CNTLN: variants seen among roughly 807,000 people sequenced by gnomAD.
CNTLN encodes the protein centlein.
A neutral mutation model predicts 180.0 loss-of-function variants in CNTLN; 212 were observed. That is an observed-to-expected ratio of 1.18 (90% CI 1.05 to 1.32). The LOEUF is 1.32. Among genes scored for constraint, CNTLN ranks in the 40% most tolerant of loss-of-function variants. The pLI, the probability that CNTLN is intolerant of heterozygous loss-of-function variation, is 0.00. For synonymous variants in CNTLN, 722 were observed against 563.1 expected, an observed-to-expected ratio of 1.28 and a Z score of -3.99; for missense variants, 2,095 against 1,610.9, an observed-to-expected ratio of 1.30 and a Z score of -5.14.
chr9:17,455,711 C>T (rs999844426), intron 18 of CNTLN, among the ~76,000 whole-genome samples: 13 of 148,116 alleles, frequency 8.8e-5, no homozygotes, highest in African/African-American at 2.1e-4. Context: ...AAATGGCAGG[C>T]AGGTTTGGGG....
intron 1 of CNTLN, among the ~76,000 whole-genome samples, chr9:17,137,341 C>G (rs913997126): frequency 6.6e-6 from 1 of 152,168 alleles, no homozygotes; most frequent in African/African-American, 2.4e-5. Flanking sequence ...AGTAATTGAA[C>G]TCCCAATTGT....
At chr9:17,376,805 T>C (rs1824812914) in intron 13 of CNTLN, among the ~76,000 whole-genome samples, 1 of 152,186 alleles carries the variant, frequency 6.6e-6, no homozygotes, top group South Asian at 2.1e-4. Flanking sequence ...AGACTAATTA[T>C]ATAAAAAGAG....
intron 18 of CNTLN, among the ~76,000 whole-genome samples, chr9:17,416,527 C>G (rs1490549930): frequency 6.6e-6 from 1 of 152,132 alleles, no homozygotes; most frequent in Admixed American, 6.5e-5. Flanking sequence ...ATACACATAG[C>G]TTACCCGTTT....
At chr9:17,257,095 T>G (rs1826554049) in intron 5 of CNTLN, among the ~76,000 whole-genome samples, 1 of 152,128 alleles carries the variant, frequency 6.6e-6, no homozygotes, top group East Asian at 1.9e-4. Flanking sequence ...CATCTAGCAT[T>G]AGGTATATCT....
At chr9:17,512,877 C>G in the CNTLN span, among the ~76,000 whole-genome samples, 1 of 152,086 alleles carries the variant, frequency 6.6e-6, no homozygotes, top group Non-Finnish European at 1.5e-5. Context: ...AGTGTGGTGG[C>G]GCGATCTCAG....
chr9:17,177,788 G>GAGCA (rs1268152500), intron 2 of CNTLN, among the ~76,000 whole-genome samples: 1 of 152,142 alleles, frequency 6.6e-6, no homozygotes, highest in Non-Finnish European at 1.5e-5. Context: ...CCCAAAGAGT[G>GAGCA]AGCAGCAGCG....
At chr9:17,451,504 C>T (rs372857481) in intron 18 of CNTLN, among the ~76,000 whole-genome samples, 1 of 152,182 alleles carries the variant, frequency 6.6e-6, no homozygotes, top group Non-Finnish European at 1.5e-5. Context: ...TTGCTTTTCT[C>T]TACTTGGATT....
intron 12 of CNTLN, among the ~76,000 whole-genome samples, chr9:17,360,174 G>T (rs889361297): frequency 6.6e-6 from 1 of 151,984 alleles, no homozygotes; most frequent in Non-Finnish European, 1.5e-5. Context: ...GTTCCTCTTG[G>T]ATTCTTCTTT....
At chr9:17,166,845 A>T (rs57907512) in intron 2 of CNTLN, 5,010 of 452,620 alleles carry the variant, frequency 0.011, 77 homozygotes, top group African/African-American at 0.05. Context: ...TGTACCACCA[A>T]AACGAAGAAT....
At chr9:17,486,734 C>T (rs1354258105) in intron 24 of CNTLN, among the ~76,000 whole-genome samples, 1 of 152,038 alleles carries the variant, frequency 6.6e-6, no homozygotes, top group African/African-American at 2.4e-5. Flanking sequence ...CTACTTTGAG[C>T]TCCACTGTGA....
intron 5 of CNTLN, among the ~76,000 whole-genome samples, chr9:17,237,354 TACACACACACACAC>T (rs59168012): frequency 5.0e-4 from 53 of 106,486 alleles, no homozygotes; most frequent in South Asian, 1.1e-3. Context: ...TATATGCCCC[TACACACACACACAC>T]ACACACACAC....
intron 25 of CNTLN, among the ~76,000 whole-genome samples, chr9:17,499,712 A>T (rs912626728): frequency 6.6e-6 from 1 of 152,134 alleles, no homozygotes; most frequent in African/African-American, 2.4e-5. Flanking sequence ...ACTTTTTCTT[A>T]GTCTTCCTCT....
rs150862617 is a variant in CNTLN at position 17,262,483 on chromosome 9, C to T, written c.850-11250C>T. Among the ~76,000 whole-genome samples the T allele has an allele frequency of 3.2e-4, 49 of 151,512 alleles. 3 individuals are homozygous for T. Among genetic ancestry groups the T allele is most frequent in the African/African-American group, 1.1e-3 (46 of 40,876 alleles). ...AGCAAACTAACACAGGAACAGAAAA[C>T]CAGCACTGCATGTTCTCACTCATAA... On this transcript the variant is annotated intron_variant, in intron 5 of 25. Coordinates refer to ENST00000380647, the MANE Select transcript of CNTLN (RefSeq NM_017738.4).
intron 20 of CNTLN, among the ~76,000 whole-genome samples, chr9:17,464,183 T>C (rs1220745953): frequency 6.6e-6 from 1 of 151,424 alleles, no homozygotes; most frequent in Admixed American, 6.6e-5. Flanking sequence ...TTCACAGCAA[T>C]GTAAAAATGT....
chr9:17,274,697 A>G (rs894570045), intron 6 of CNTLN, among the ~76,000 whole-genome samples: 1 of 152,254 alleles, frequency 6.6e-6, no homozygotes, highest in South Asian at 2.1e-4. Context: ...TAAATAAATG[A>G]TGGATACATC....
chr9:17,297,313 G>T (rs749646748), intron 6 of CNTLN, among the ~76,000 whole-genome samples: 2 of 152,162 alleles, frequency 1.3e-5, no homozygotes, highest in African/African-American at 4.8e-5. Flanking sequence ...TTGAGCATCT[G>T]TAAATTTTCA....
intron 2 of CNTLN, among the ~76,000 whole-genome samples, chr9:17,156,354 A>G (rs928586078): frequency 6.6e-6 from 1 of 152,136 alleles, no homozygotes; most frequent in Non-Finnish European, 1.5e-5. Context: ...ATTATTCTCT[A>G]TTATAATTAA....
At chr9:17,176,548 T>C (rs979823359) in intron 2 of CNTLN, among the ~76,000 whole-genome samples, 1 of 152,224 alleles carries the variant, frequency 6.6e-6, no homozygotes, top group Non-Finnish European at 1.5e-5. Context: ...TGTATAGCTT[T>C]CTTTTATTGT....
intron 8 of CNTLN, among the ~76,000 whole-genome samples, chr9:17,325,187 T>G (rs1198277548): frequency 6.7e-6 from 1 of 148,464 alleles, no homozygotes; most frequent in Admixed American, 6.8e-5. Flanking sequence ...TTCTTTTTCT[T>G]TTTTTTACAA....
Sources: allele counts gnomAD v4.1 joint callset (sites outside exome capture counted in the v4.1 genomes callset), GRCh38; gene constraint gnomAD v4.1.1; transcripts MANE v1.5; gene names NCBI Gene and HGNC (gene_info 2026-07-23, HGNC 2026-07-21).